Variants in METTL16 observed in about 807,000 individuals in gnomAD.
METTL16 encodes methyltransferase 16, RNA N6-adenosine, also known as RNA N(6)-adenosine-methyltransferase METTL16.
METTL16 carries 19 observed loss-of-function variants against 57.9 expected under a neutral mutation model. That is an observed-to-expected ratio of 0.33 (90% confidence interval 0.23 to 0.48). The LOEUF (loss-of-function observed/expected upper bound fraction) is 0.48, where lower values mean the gene tolerates loss of function less well. Among genes scored for constraint, METTL16 ranks in the 20% least tolerant of loss-of-function variants. METTL16 has a pLI of 0.99. For synonymous variants in METTL16, 246 were observed against 255.6 expected, an observed-to-expected ratio of 0.96 and a Z score of 0.36; for missense variants, 434 against 691.5, an observed-to-expected ratio of 0.63 and a Z score of 4.18.
At chr17:2,500,562 G>A (rs1228284286) in intron 2 of METTL16, among the ~76,000 whole-genome samples, 6 of 152,214 alleles carry the variant, frequency 3.9e-5, no homozygotes, top group African/African-American at 4.8e-5. Flanking sequence ...GATTCCAGGC[G>A]TGAGCCACCG....
At position 2,511,858 on chromosome 17, in the gene METTL16, A is replaced by T; in HGVS notation, c.-100T>A. On this transcript the variant is annotated 5_prime_UTR_variant, in exon 1 of 10. Transcript: ENST00000263092. The stretch of plus-strand genomic sequence containing the variant: ...CATAGCGAAGCTCCTAGAAACGCAG[A>T]TGATACGCTCCCAGCGCGCCGCCAT... 1 of 398,658 alleles carries T rather than the reference A, an allele frequency of 2.5e-6. No homozygotes were observed. The allele number at this position is 398,658 out of a possible 1,614,324, so 24.7% of individuals were successfully genotyped here.
intron 7 of METTL16, 86 bp downstream of exon 7, chr17:2,441,404 A>T: frequency 1.1e-6 from 1 of 902,136 alleles, no homozygotes; most frequent in Non-Finnish European, 1.6e-6. Context: ...ACCACAATGC[A>T]ATATATCAAT....
chr17:2,477,532 C>T (rs1191997425), intron 3 of METTL16, 154 bp downstream of exon 3: 1 of 629,200 alleles, frequency 1.6e-6, no homozygotes, highest in East Asian at 2.7e-5. Flanking sequence ...GATTTTGAAG[C>T]ATTTCGGATT....
chr17:2,489,743 A>AAAAAAAAAAAC (rs1418577644), intron 2 of METTL16, among the ~76,000 whole-genome samples: 6 of 150,476 alleles, frequency 4.0e-5, no homozygotes, highest in East Asian at 1.9e-4. Context: ...AAAAAAAAAA[A>AAAAAAAAAAAC]AAAAAACGAA....
intron 1 of METTL16, among the ~76,000 whole-genome samples, chr17:2,504,543 G>GTGTTT (rs1308013593): frequency 9.9e-5 from 15 of 152,038 alleles, no homozygotes; most frequent in Admixed American, 9.2e-4. Flanking sequence ...GAGGTTAGTT[G>GTGTTT]TGTTTTGTTT....
rs1183427483 is a variant in METTL16 at position 2,419,790 on chromosome 17, T to C, written c.*180A>G. The C allele has an allele frequency of 6.5e-6, 5 of 765,034 alleles. No individual in the cohort carries two copies. 47.4% of individuals were successfully genotyped at this position (765,034 alleles called of 1,614,324 possible). On this transcript the variant is annotated 3_prime_UTR_variant, in exon 10 of 10. Coordinates refer to ENST00000263092, the MANE Select transcript of METTL16 (RefSeq NM_024086.4). ...TGTAAATGACCACACTACGACTCCC[T>C]GTAACTCAAAAAGCGGGAAGGAGGC... is the stretch of plus-strand genomic sequence containing the variant.
intron 3 of METTL16, among the ~76,000 whole-genome samples, chr17:2,476,479 GA>G (rs1309718653): frequency 6.6e-6 from 1 of 152,274 alleles, no homozygotes; most frequent in Non-Finnish European, 1.5e-5. Context: ...GCAAAGAAAT[GA>G]AAGAGGAAAC....
intron 8 of METTL16, among the ~76,000 whole-genome samples, chr17:2,429,739 A>C (rs2066855543): frequency 6.6e-6 from 1 of 152,114 alleles, no homozygotes; most frequent in African/African-American, 2.4e-5. Context: ...TACCACCTGC[A>C]AAGTATTCTT....
chr17:2,506,390 A>C (rs1266012883), intron 1 of METTL16, among the ~76,000 whole-genome samples: 2 of 151,368 alleles, frequency 1.3e-5, no homozygotes, highest in Non-Finnish European at 2.9e-5. Context: ...TCCCTGCCTG[A>C]TTCTCCTGCC....
chr17:2,491,831 C>T lies in METTL16; in HGVS notation c.128+10373G>A, dbSNP rs1174135134. Among the ~76,000 whole-genome samples the T allele has an allele frequency of 1.1e-4, 15 of 139,806 alleles. 1 individual carries two copies. The highest frequency in any genetic ancestry group is 2.4e-4 in the African/African-American group (9 of 36,766). The allele number at this position is 139,806 out of a possible 152,430, so 91.7% of individuals were successfully genotyped here. A position where few individuals can be genotyped will look rare whatever the true frequency, so the allele number is the denominator to read the frequency against. On this transcript the variant is annotated intron_variant, in intron 2 of 9. Transcript: ENST00000263092. The stretch of plus-strand genomic sequence containing the variant: ...CAGAGCTTGCAGTGAGCCGAGATCG[C>T]GCCACTGCACTCCAGCCTGGGCGAC...
chr17:2,442,968 T>C (rs1378294819), intron 6 of METTL16, among the ~76,000 whole-genome samples: 3 of 148,764 alleles, frequency 2.0e-5, no homozygotes, highest in African/African-American at 7.5e-5. Context: ...GCTGGGATTA[T>C]ATGTGTGTGC....
intron 1 of METTL16, among the ~76,000 whole-genome samples, chr17:2,504,319 C>T (rs1485025914): frequency 6.6e-6 from 1 of 152,120 alleles, no homozygotes; most frequent in African/African-American, 2.4e-5. Context: ...AGAGAATGAA[C>T]ACATTTAATG....
At chr17:2,448,782 A>T (rs1467947555) in intron 6 of METTL16, among the ~76,000 whole-genome samples, 1 of 102,974 alleles carries the variant, frequency 9.7e-6, no homozygotes, top group African/African-American at 6.7e-5. Context: ...ATAAAAAAAT[A>T]AAAAAATAAA....
At chr17:2,439,626 G>A (rs1181651408) in intron 7 of METTL16, among the ~76,000 whole-genome samples, 1 of 151,986 alleles carries the variant, frequency 6.6e-6, no homozygotes, top group Admixed American at 6.6e-5. Context: ...TGGAGGCATA[G>A]TAAAAAATAA....
chr17:2,505,986 T>G (rs2067530005), intron 1 of METTL16, among the ~76,000 whole-genome samples: 2 of 152,100 alleles, frequency 1.3e-5, no homozygotes, highest in Middle Eastern at 3.4e-3. Context: ...CTTTTTTTTT[T>G]GAGACAGAGT....
Position 2,419,979 on chromosome 17 carries a change from T to G in METTL16, c.1680A>C (p.Ala560=), listed in dbSNP as rs2066748210. ...YIRNQIFRLV[A]VN The stretch of plus-strand genomic sequence containing the variant: ...ACTGTGCAGGAGGTTTCTAGTTAAC[T>G]GCAACAAGCCTGAAAATTTGGTTAC... The change falls in exon 10 of 10, where the codon GCA becomes GCC. Residue 560 remains alanine, a synonymous_variant. Coordinates refer to ENST00000263092, the MANE Select transcript of METTL16 (RefSeq NM_024086.4). 6.2e-7 allele frequency: 1 copy of G among 1,614,082 alleles called. No homozygotes were observed. Among genetic ancestry groups the G allele is most frequent in the Non-Finnish European group, 8.5e-7 (1 of 1,179,962 alleles).
chr17:2,457,382 A>G (rs2067119332), intron 6 of METTL16, among the ~76,000 whole-genome samples: 1 of 145,310 alleles, frequency 6.9e-6, no homozygotes, highest in Non-Finnish European at 1.5e-5. Context: ...TAACATTTAT[A>G]CTACATGCTG....
intron 2 of METTL16, among the ~76,000 whole-genome samples, chr17:2,491,068 C>A (rs554609149): frequency 2.5e-4 from 38 of 152,230 alleles, no homozygotes; most frequent in Middle Eastern, 6.8e-3. Flanking sequence ...TGGGCAAAGT[C>A]AAGTCACTCG....
chr17:2,416,017 GATT>G (rs1316179157), downstream of METTL16: 2 of 152,170 alleles, frequency 1.3e-5, no homozygotes, highest in East Asian at 3.9e-4. Flanking sequence ...AGTCGAAAGG[GATT>G]ATACCAGGTA....
Sources: allele counts gnomAD v4.1 joint callset (sites outside exome capture counted in the v4.1 genomes callset), GRCh38; gene constraint gnomAD v4.1.1; transcripts MANE v1.5; gene names NCBI Gene and HGNC (gene_info 2026-07-23, HGNC 2026-07-21).